SGSM1: variants seen among roughly 807,000 people sequenced by gnomAD.
SGSM1 encodes RUN and TBC1 domain containing 2.
A neutral mutation model predicts 133.8 loss-of-function variants in SGSM1; 73 were observed. The ratio of observed to expected loss-of-function variants is 0.55; its 90% CI spans 0.45 to 0.66. The LOEUF (loss-of-function observed/expected upper bound fraction) is 0.66, where lower values mean the gene tolerates loss of function less well. Ranked by LOEUF, SGSM1 falls within the 30% of genes least tolerant of loss-of-function variation. SGSM1 has a pLI of 0.00. For missense variants in SGSM1, 1,213 were observed against 1,448.1 expected (o/e 0.84, Z 2.64); for synonymous variants, 563 against 573.0 (o/e 0.98, Z 0.25).
intron 2 of SGSM1, among the ~76,000 whole-genome samples, chr22:24,818,045 A>AACTTGATGAAACCCTGTCTC (rs1928214488): frequency 6.6e-6 from 1 of 150,676 alleles, no homozygotes; most frequent in African/African-American, 2.4e-5. Flanking sequence ...CAGCCTGGCC[A>AACTTGATGAAACCCTGTCTC]ACATGATGAA....
In SGSM1 at chr22:24,917,678, T is replaced by G. The variant is rs760856523; in HGVS notation, c.2949T>G (p.Phe983Leu). 6.2e-7 allele frequency: 1 copy of G among 1,613,860 alleles called. No homozygotes were observed. Among genetic ancestry groups the G allele is most frequent in the East Asian group, 2.2e-5 (1 of 44,868 alleles). Residue 983 changes from phenylalanine to leucine, a missense_variant, in exon 23 of 25, where the codon TTT becomes TTG. Phe to Leu is a conservative substitution (Grantham distance 22, BLOSUM62 0). Transcript: ENST00000400358. ...GACAGATCCTGGACTCAGAGCTGTT[T>G]GAGCTGATGCATCAGAACGGGGACT... Reference protein sequence around the residue: ...SLIQILDSELFELMHQNGDYT... With the variant: ...SLIQILDSELLELMHQNGDYT...
At position 24,845,890 on chromosome 22, in the gene SGSM1, C is replaced by T. The variant is rs551079010; in HGVS notation, c.139+918C>T. On this transcript the variant is annotated intron_variant, in intron 3 of 24. Transcript: ENST00000400358. ...TTCAGGCAGGCAGACCTGGATCCAC[C>T]TCTGCTGCTTTCTTGTAATTGACTT... 2.6e-4 allele frequency among the ~76,000 whole-genome samples: 40 copies of T among 152,152 alleles called. 1 individual carries two copies. Among genetic ancestry groups the T allele is most frequent in the African/African-American group, 7.2e-5 (3 of 41,474 alleles).
intron 4 of SGSM1, among the ~76,000 whole-genome samples, chr22:24,849,312 G>A (rs558946276): frequency 6.6e-6 from 1 of 151,950 alleles, no homozygotes; most frequent in Non-Finnish European, 1.5e-5. Flanking sequence ...CCAGCACTTT[G>A]GGAGGCCAAG....
chr22:24,818,437 G>A (rs572870871), intron 2 of SGSM1, among the ~76,000 whole-genome samples: 162 of 150,712 alleles, frequency 1.1e-3, no homozygotes, highest in African/African-American at 3.6e-3. Flanking sequence ...GTGCGATCTC[G>A]GCTCAATGAA....
intron 8 of SGSM1, among the ~76,000 whole-genome samples, chr22:24,857,616 T>A (rs1262945931): frequency 6.6e-6 from 1 of 152,190 alleles, no homozygotes; most frequent in African/African-American, 2.4e-5. Context: ...TTAATTAAGA[T>A]ATTCTTCAAA....
chr22:24,875,814 A>G (rs1329326960), intron 12 of SGSM1, among the ~76,000 whole-genome samples: 1 of 152,200 alleles, frequency 6.6e-6, no homozygotes, highest in African/African-American at 2.4e-5. Context: ...GAGAAAGAAA[A>G]ATAAATAAAG....
chr22:24,883,934 CTG>C, intron 14 of SGSM1, 117 bp from the exon 15 acceptor site: 1 of 1,235,016 alleles, frequency 8.1e-7, no homozygotes, highest in Non-Finnish European at 1.1e-6. Flanking sequence ...GAGCAAGACT[CTG>C]TCTCAAAACA....
chr22:24,850,188 C>T lies in SGSM1; in HGVS notation c.303-92C>T, dbSNP rs1158742980. The T allele has an allele frequency of 5.4e-6, 7 of 1,304,410 alleles. No homozygotes were observed. In the East Asian group the frequency reaches 1.8e-4, roughly 33 times the overall value. 80.8% of individuals were successfully genotyped at this position (1,304,410 alleles called of 1,614,324 possible). A position where few individuals can be genotyped will look rare whatever the true frequency, so the allele number is the denominator to read the frequency against. On this transcript the variant is annotated intron_variant, in intron 4 of 24. Coordinates refer to ENST00000400358, the MANE Select transcript of SGSM1 (RefSeq NM_001098497.3). The stretch of plus-strand genomic sequence containing the variant: ...TGTTTAGCTGCCATTCCTTCATTTT[C>T]CTGAGAGATTGAACATTCTCCCATT...
chr22:24,811,143 T>C (rs1488893557), intron 2 of SGSM1, among the ~76,000 whole-genome samples: 1 of 152,138 alleles, frequency 6.6e-6, no homozygotes, highest in Non-Finnish European at 1.5e-5. Context: ...GTTGTCACAG[T>C]TGGGGGTGCT....
rs996945875 is a variant in SGSM1, at chr22:24,895,321, A to G, written c.2022+30A>G. 3.1e-6 allele frequency: 5 copies of G among 1,596,922 alleles called. No homozygotes were observed. The South Asian group carries it at 3.4e-5, about 11-fold the overall frequency. On this transcript the variant is annotated intron_variant, in intron 18 of 24. Coordinates refer to ENST00000400358, the MANE Select transcript of SGSM1 (RefSeq NM_001098497.3). ...CCTTGTGGAGGCCTCGCCCCCTCCC[A>G]CCCACTCCTCTCCCTTCTGCCTGGG...
At position 24,908,300 on chromosome 22, in the gene SGSM1, G is replaced by T. The variant is rs532390979; in HGVS notation, c.2818+3113G>T. On this transcript the variant is annotated intron_variant, in intron 21 of 24. Transcript: ENST00000400358. ...GTAAATCTTTGTCACCTTGGGCTAG[G>T]GAATTTTTTTTAGATATGACACCAA... Among the ~76,000 whole-genome samples the T allele has an allele frequency of 4.6e-5, 7 of 150,980 alleles. No homozygotes were observed. In the East Asian group the frequency reaches 1.4e-3, roughly 30 times the overall value.
At chr22:24,853,198 A>G (rs1569148314) in intron 5 of SGSM1, among the ~76,000 whole-genome samples, 1 of 151,972 alleles carries the variant, frequency 6.6e-6, no homozygotes, top group African/African-American at 2.4e-5. Context: ...GCTCCCACCC[A>G]CTCTGTCTCA....
chr22:24,884,336 C>T, intron 15 of SGSM1, 138 bp downstream of exon 15: 4 of 1,166,476 alleles, frequency 3.4e-6, no homozygotes, highest in Non-Finnish European at 4.7e-6. Context: ...TTGGAGTTCC[C>T]CTTCTCCTTG....
chr22:24,893,283 A>G lies in SGSM1; in HGVS notation c.1771-148A>G. On this transcript the variant is annotated intron_variant, in intron 16 of 24. Coordinates refer to ENST00000400358, the MANE Select transcript of SGSM1 (RefSeq NM_001098497.3). Reference sequence around the variant, plus strand: ...CTTCAGAGCCTAACCAGTGCTAGGCATAGCATAGTAGGTGCTCAGTTAATA... The same window carrying G: ...CTTCAGAGCCTAACCAGTGCTAGGCGTAGCATAGTAGGTGCTCAGTTAATA... 1.5e-5 allele frequency: 12 copies of G among 783,280 alleles called. No individual in the cohort carries two copies. The South Asian group carries it at 2.0e-4, about 13-fold the overall frequency. 48.5% of individuals were successfully genotyped at this position (783,280 alleles called of 1,614,324 possible). A position where few individuals can be genotyped will look rare whatever the true frequency, so the allele number is the denominator to read the frequency against.
rs1932968873 is a variant in SGSM1 at position 24,898,056 on chromosome 22, C to G, written c.2107C>G (p.Leu703Val). 1 of 1,613,966 alleles carries G rather than the reference C, an allele frequency of 6.2e-7. No homozygotes were observed. The highest frequency in any genetic ancestry group is 2.2e-5 in the East Asian group (1 of 44,884). Reference sequence around the variant, plus strand: ...ACAGCCCAAGATCCCCAATGGGAACCTAGTGAACGGCACTTGTTCCCCAGA... The same window carrying G: ...ACAGCCCAAGATCCCCAATGGGAACGTAGTGAACGGCACTTGTTCCCCAGA... ...EKQPKIPNGN[L>V]VNGTCSPDSG... The change falls in exon 19 of 25, where the codon CTA (leucine) becomes GTA (valine). Residue 703 changes from leucine (L) to valine (V), a missense_variant. Transcript: ENST00000400358.
At chr22:24,859,563 G>A in intron 8 of SGSM1, 153 bp from the exon 9 acceptor site, 1 of 1,058,594 alleles carries the variant, frequency 9.4e-7, no homozygotes, top group Non-Finnish European at 1.4e-6. Flanking sequence ...CCATCTGGAA[G>A]GAGGCTTTAG....
chr22:24,840,278 C>G (rs989500554), intron 2 of SGSM1, among the ~76,000 whole-genome samples: 1 of 151,110 alleles, frequency 6.6e-6, no homozygotes, highest in Admixed American at 6.6e-5. Context: ...TTAGTTTTCT[C>G]TGTTTTTAAA....
At chr22:24,893,824 A>G (rs1280915245) in intron 17 of SGSM1, among the ~76,000 whole-genome samples, 1 of 152,192 alleles carries the variant, frequency 6.6e-6, no homozygotes, top group Non-Finnish European at 1.5e-5. Context: ...GTTCCCTACC[A>G]GTACCTTTTC....
rs535320271 is a variant in SGSM1, at chr22:24,899,616, G to A, written c.2610+1057G>A. On this transcript the variant is annotated intron_variant, in intron 19 of 24. Coordinates refer to ENST00000400358, the MANE Select transcript of SGSM1 (RefSeq NM_001098497.3). ...CGGCTCACTGCAACCTCTGCGTCCCGAATTCATGCCATTCTCTTGCCTCAG... is the reference window on the plus strand; with the variant it reads ...CGGCTCACTGCAACCTCTGCGTCCCAAATTCATGCCATTCTCTTGCCTCAG... 6.7e-5 allele frequency among the ~76,000 whole-genome samples: 10 copies of A among 150,028 alleles called. No individual in the cohort carries two copies. In the South Asian group the frequency reaches 8.4e-4, roughly 13 times the overall value.
Sources: allele counts gnomAD v4.1 joint callset (sites outside exome capture counted in the v4.1 genomes callset), GRCh38; gene constraint gnomAD v4.1.1; transcripts MANE v1.5; gene names NCBI Gene and HGNC (gene_info 2026-07-23, HGNC 2026-07-21).